Variants in TMPRSS11F observed in about 807,000 individuals in gnomAD.
TMPRSS11F encodes the protein transmembrane protease serine 11F.
TMPRSS11F carries 47 observed loss-of-function variants against 60.2 expected under a neutral mutation model. The observed-to-expected ratio is 0.78, with a 90% CI of 0.62 to 1.00. TMPRSS11F has a LOEUF of 1.00. Among genes scored for constraint, TMPRSS11F ranks in the 50% least tolerant of loss-of-function variants. TMPRSS11F has a pLI of 0.00. For synonymous variants in TMPRSS11F, 166 were observed against 167.3 expected (o/e 0.99, Z 0.06); for missense variants, 519 against 522.9 (o/e 0.99, Z 0.07).
At chr4:68,093,333 C>A (rs1316389577) in intron 2 of TMPRSS11F, among the ~76,000 whole-genome samples, 1 of 152,152 alleles carries the variant, frequency 6.6e-6, no homozygotes, top group Non-Finnish European at 1.5e-5. Flanking sequence ...GCTGGGAAAA[C>A]TGGCTAGCCA....
chr4:68,090,416 T>A, intron 3 of TMPRSS11F, 107 bp downstream of exon 3: 1 of 1,413,418 alleles, frequency 7.1e-7, no homozygotes. Flanking sequence ...CTATAGTATC[T>A]CCATTATGCA....
In TMPRSS11F at chr4:68,069,623, T is replaced by TA. The variant is rs112167133; in HGVS notation, c.553+345dup. ...TATTTCAATAAAAATGCAAGCAAAT[T>TA]AAAAAAAAATTAAAGCCTAAATGTT... On this transcript the variant is annotated intron_variant, in intron 6 of 9. Transcript: ENST00000356291. 5.5e-4 allele frequency among the ~76,000 whole-genome samples: 83 copies of TA among 151,226 alleles called. 2 individuals carry two copies. The South Asian group carries it at 0.015, about 27-fold the overall frequency.
Position 68,073,927 on chromosome 4 carries a change from A to G in TMPRSS11F, c.350+15T>C, listed in dbSNP as rs766959334. On this transcript the variant is annotated intron_variant, in intron 4 of 9. Coordinates refer to ENST00000356291, the MANE Select transcript of TMPRSS11F (RefSeq NM_207407.2). Reference sequence around the variant, plus strand: ...TAACAGTATTAACTTGAAATTATAAACCAAATTTACATACCTTAATTTGAT... The same window carrying G: ...TAACAGTATTAACTTGAAATTATAAGCCAAATTTACATACCTTAATTTGAT... 3.9e-6 allele frequency: 6 copies of G among 1,535,360 alleles called. No homozygotes were observed. The highest frequency in any genetic ancestry group is 5.3e-6 in the Non-Finnish European group (6 of 1,134,028).
In TMPRSS11F at chr4:68,053,725, A is replaced by G. The variant is rs62316507; in HGVS notation, c.*184T>C. 0.3 allele frequency: 142,363 copies of G among 480,740 alleles called. 21,898 individuals are homozygous for G. Among genetic ancestry groups the G allele is most frequent in the East Asian group, 0.47 (14,554 of 31,272 alleles). 29.8% of individuals were successfully genotyped at this position (480,740 alleles called of 1,614,324 possible). A position where few individuals can be genotyped will look rare whatever the true frequency, so the allele number is the denominator to read the frequency against. On this transcript the variant is annotated 3_prime_UTR_variant, in exon 10 of 10. Transcript: ENST00000356291. ...GTCATTTGCTGTGTCTTCTTCCCTC[A>G]TGGTAGAGAGGGTTTGGTCCTACGT...
At chr4:68,105,121 G>A (rs1349342090) in intron 1 of TMPRSS11F, among the ~76,000 whole-genome samples, 2 of 123,908 alleles carry the variant, frequency 1.6e-5, no homozygotes, top group Admixed American at 1.0e-4. Context: ...TAAATATTTG[G>A]CAAAATTCAG....
At chr4:68,062,301 G>T (rs1346902629) in intron 8 of TMPRSS11F, 1 of 439,988 alleles carries the variant, frequency 2.3e-6, no homozygotes, top group Non-Finnish European at 4.4e-6. Context: ...ATTTCTGGAG[G>T]ACTGTTAGTT....
At chr4:68,117,830 G>T (rs1724557457) in intron 1 of TMPRSS11F, among the ~76,000 whole-genome samples, 1 of 151,940 alleles carries the variant, frequency 6.6e-6, no homozygotes. Context: ...TCTCAATCAT[G>T]ATACTTCCAT....
intron 8 of TMPRSS11F, 27 bp downstream of exon 8, chr4:68,064,658 T>G (rs373465180): frequency 9.3e-6 from 15 of 1,606,008 alleles, no homozygotes; most frequent in Non-Finnish European, 1.2e-5. Context: ...ATTCTTGTGC[T>G]AAGAAAATTA....
intron 8 of TMPRSS11F, chr4:68,062,531 G>A: frequency 1.3e-6 from 1 of 753,726 alleles, no homozygotes; most frequent in Non-Finnish European, 2.5e-6. Flanking sequence ...GTAACTGTTT[G>A]CTTATTGTAT....
intron 8 of TMPRSS11F, chr4:68,062,192 A>G (rs1530062): frequency 0.73 from 295,076 of 405,976 alleles, 110,477 homozygotes; most frequent in East Asian, 0.88. Context: ...TGCGACTAAA[A>G]CTCTGGTTTT....
chr4:68,123,769 C>T (rs570799636), intron 1 of TMPRSS11F, among the ~76,000 whole-genome samples: 105 of 152,186 alleles, frequency 6.9e-4, no homozygotes, highest in African/African-American at 2.4e-3. Context: ...ATACTGCTGA[C>T]GTGGTTTCAA....
rs552214653 is a variant in TMPRSS11F at position 68,129,825 on chromosome 4, C to A, written c.-5G>T. The stretch of plus-strand genomic sequence containing the variant: ...GAATACTTACGCGTACATCATGAAC[C>A]CAGGACTGGGGCAGCTTCTATTCAG... On this transcript the variant is annotated 5_prime_UTR_variant, in exon 1 of 10. Transcript: ENST00000356291. 6.2e-7 allele frequency: 1 copy of A among 1,613,302 alleles called. No individual in the cohort carries two copies.
intron 9 of TMPRSS11F, among the ~76,000 whole-genome samples, chr4:68,058,759 A>G (rs1162186373): frequency 6.6e-6 from 1 of 152,230 alleles, no homozygotes; most frequent in Non-Finnish European, 1.5e-5. Flanking sequence ...AAGTGTATAT[A>G]GGGAAGCAGT....
intron 3 of TMPRSS11F, among the ~76,000 whole-genome samples, chr4:68,088,279 A>T (rs935274196): frequency 2.0e-5 from 3 of 151,562 alleles, no homozygotes; most frequent in Non-Finnish European, 4.4e-5. Flanking sequence ...ACCAACAAAG[A>T]TCAAAAGAGA....
At chr4:68,115,785 A>T (rs111391675) in intron 1 of TMPRSS11F, among the ~76,000 whole-genome samples, 8,199 of 152,294 alleles carry the variant, frequency 0.054, 299 homozygotes, top group Non-Finnish European at 0.086. Flanking sequence ...AAAACTATGA[A>T]ATAATTATCT....
chr4:68,089,148 CT>C (rs1045308332), intron 3 of TMPRSS11F, among the ~76,000 whole-genome samples: 2 of 152,066 alleles, frequency 1.3e-5, no homozygotes, highest in Non-Finnish European at 2.9e-5. Context: ...ATTACATGAA[CT>C]TTTAGGGAAA....
chr4:68,062,100 C>A (rs1382428856), intron 8 of TMPRSS11F: 2 of 450,546 alleles, frequency 4.4e-6, no homozygotes, highest in Non-Finnish European at 8.9e-6. Flanking sequence ...ACTACTTTTT[C>A]ATATTAAAGA....
chr4:68,091,905 G>A (rs1411124998), intron 2 of TMPRSS11F, among the ~76,000 whole-genome samples: 1 of 151,890 alleles, frequency 6.6e-6, no homozygotes, highest in African/African-American at 2.4e-5. Flanking sequence ...TCTTGACTCA[G>A]CTTCCTGAGT....
intron 9 of TMPRSS11F, among the ~76,000 whole-genome samples, chr4:68,054,968 C>T (rs1723010163): frequency 6.6e-6 from 1 of 152,090 alleles, no homozygotes; most frequent in South Asian, 2.1e-4. Context: ...TAAGGAAAAA[C>T]AGGAAAGTTT....
Sources: allele counts gnomAD v4.1 joint callset (sites outside exome capture counted in the v4.1 genomes callset), GRCh38; gene constraint gnomAD v4.1.1; transcripts MANE v1.5; gene names NCBI Gene and HGNC (gene_info 2026-07-23, HGNC 2026-07-21).